The following TNXB variants were observed in gnomAD, a reference collection of about 807,000 sequenced individuals.
The protein encoded by TNXB is tenascin XB.
TNXB carries 183 observed loss-of-function variants against 340.5 expected under a neutral mutation model. That is an observed-to-expected ratio of 0.54 (90% CI 0.48 to 0.61). TNXB has a LOEUF of 0.61. TNXB is among the 20% of genes least tolerant of loss of function. The pLI is 0.00. For missense variants in TNXB, 4,613 were observed against 5,446.4 expected (o/e 0.85, Z 4.82); for synonymous variants, 2,121 against 2,314.5 (o/e 0.92, Z 2.40).
At chr6:32,071,454 G>A (rs1057254538) in intron 13 of TNXB, among the ~76,000 whole-genome samples, 1 of 152,160 alleles carries the variant, frequency 6.6e-6, no homozygotes. Context: ...GAAGAGGCCT[G>A]TAGGGGCTTC....
At position 32,079,724 on chromosome 6, in the gene TNXB, C is replaced by T. The variant is rs1272642914; in HGVS notation, c.4043-359G>A. On this transcript the variant is annotated intron_variant, in intron 10 of 43. Coordinates refer to ENST00000644971, the MANE Select transcript of TNXB (RefSeq NM_001365276.2). The surrounding 1 kb of genome is among the most constrained non-coding windows in gnomAD (Gnocchi z 7.1). ...CCCCAGGGCACTCTGGCTGCCCCAC[C>T]CCTCATATGAGGATCTGACCATGGA... Among the ~76,000 whole-genome samples, 1 of 152,222 alleles carries T rather than the reference C, an allele frequency of 6.6e-6. No individual in the cohort carries two copies. The highest frequency in any genetic ancestry group is 1.5e-5 in the Non-Finnish European group (1 of 68,026).
Position 32,061,411 on chromosome 6 carries a change from G to A in TNXB, c.7478C>T (p.Thr2493Ile). 6.2e-7 allele frequency: 1 copy of A among 1,612,560 alleles called. No homozygotes were observed. Among genetic ancestry groups the A allele is most frequent in the Non-Finnish European group, 8.5e-7 (1 of 1,179,422 alleles). ...HEGRRVGPVS[T>I]VGVTAPQEDV... Reference sequence around the variant, plus strand: ...GCACTACTCACCAGTCACGCCCACGGTGGACACCGGGCCCACGCGCCGCCC... The same window carrying A: ...GCACTACTCACCAGTCACGCCCACGATGGACACCGGGCCCACGCGCCGCCC... Residue 2493 changes from threonine (T) to isoleucine (I), a missense_variant, in exon 21 of 44, where the codon ACC becomes ATC. By Grantham distance (89) the Thr-to-Ile change is moderately conservative. Around this residue, in one of 7 missense-constraint regions of TNXB, gnomAD observed 4,327 missense variants for 4,859.4 expected, o/e 0.89. Coordinates refer to ENST00000644971, the MANE Select transcript of TNXB (RefSeq NM_001365276.2). This position sits in a 1 kb window ranked among gnomAD's most constrained non-coding sequence, Gnocchi z 4.4.
At position 32,067,397 on chromosome 6, in the gene TNXB, G is replaced by A. The variant is rs1361454079; in HGVS notation, c.6544+264C>T. Reference sequence around the variant, plus strand: ...TCTCACAAAAAGAGTTATGTATAGAGTTCCAAGGAAAAGCGGAGAGCCACA... The same window carrying A: ...TCTCACAAAAAGAGTTATGTATAGAATTCCAAGGAAAAGCGGAGAGCCACA... On this transcript the variant is annotated intron_variant, in intron 18 of 43. Coordinates refer to ENST00000644971, the MANE Select transcript of TNXB (RefSeq NM_001365276.2). The surrounding 1 kb of genome is among the most constrained non-coding windows in gnomAD (Gnocchi z 4.2). 5.3e-5 allele frequency among the ~76,000 whole-genome samples: 8 copies of A among 152,168 alleles called. No individual in the cohort carries two copies. The highest frequency in any genetic ancestry group is 5.9e-5 in the Non-Finnish European group (4 of 68,042).
At chr6:32,060,318 G>A (rs1014996780) in intron 21 of TNXB, among the ~76,000 whole-genome samples, 1 of 150,408 alleles carries the variant, frequency 6.6e-6, no homozygotes, top group African/African-American at 2.5e-5. Flanking sequence ...GGCGACAAGA[G>A]CGAAACTTCA....
At position 32,087,340 on chromosome 6, in the gene TNXB, T is replaced by A. The variant is rs1187170988; in HGVS notation, c.2780-1222A>T. 2 of 484,530 alleles carry A rather than the reference T, an allele frequency of 4.1e-6. No individual in the cohort carries two copies. Among genetic ancestry groups the A allele is most frequent in the Admixed American group, 2.2e-5 (1 of 46,006 alleles). The allele number at this position is 484,530 out of a possible 1,614,324, so 30.0% of individuals were successfully genotyped here. ...GTGGTAGGTGGTGCCGGGCCTGAGG[T>A]CGGGCAGGCTGACGGTGCGCGTGGT... On this transcript the variant is annotated intron_variant, in intron 6 of 43. Transcript: ENST00000644971. The surrounding 1 kb of genome is among the most constrained non-coding windows in gnomAD (Gnocchi z 9.0).
chr6:32,049,300 C>T lies in TNXB; in HGVS notation c.9727G>A (p.Val3243Met), dbSNP rs770130227. The T allele has an allele frequency of 1.9e-5, 31 of 1,611,982 alleles. No homozygotes were observed. The highest frequency in any genetic ancestry group is 9.3e-5 in the African/African-American group (7 of 74,882). The change falls in exon 28 of 44, where the codon GTG (valine) becomes ATG (methionine). Residue 3243 changes from valine (V) to methionine (M), a missense_variant. By Grantham distance (21) the Val-to-Met change is conservative. Transcript: ENST00000644971. The surrounding 1 kb of genome is among the most constrained non-coding windows in gnomAD (Gnocchi z 4.5). ...ATGCCCACGGTGGACACTGGGCCCA[C>T]GCGCTGCCCCTCGTGGAGGCCGTAC... ...HLYGLHEGQR[V>M]GPVSTVGITA...
Position 32,096,690 on chromosome 6 carries a change from C to T in TNXB, c.1163G>A (p.Cys388Tyr). The T allele has an allele frequency of 1.9e-6, 3 of 1,552,592 alleles. No homozygotes were observed. Among genetic ancestry groups the T allele is most frequent in the Non-Finnish European group, 2.6e-6 (3 of 1,152,022 alleles). ...RGRGRCEDGE[C>Y]ICDTGYSGDD... ...CCCGCTGTAGCCCGTGTCGCAAATG[C>T]ATTCGCCGTCCTCGCAGCGCCCGCG... Residue 388 changes from cysteine to tyrosine, a missense_variant, in exon 3 of 44, where the codon TGC becomes TAC. Cys to Tyr is a radical substitution (Grantham distance 194). Transcript: ENST00000644971.
rs866025393 is a variant in TNXB, at chr6:32,058,481, G to A, written c.7493-91C>T. On this transcript the variant is annotated intron_variant, in intron 21 of 43. Transcript: ENST00000644971. The surrounding 1 kb of genome is among the most constrained non-coding windows in gnomAD (Gnocchi z 5.1). ...TCAACAGAGGTCATACATCAAATGT[G>A]CCCCTCCAGAGCAGGCTGAGGGCTG... 5.1e-4 allele frequency: 539 copies of A among 1,067,166 alleles called. 7 individuals carry two copies. The Middle Eastern group carries it at 9.4e-3, about 19-fold the overall frequency. 66.1% of individuals were successfully genotyped at this position (1,067,166 alleles called of 1,614,324 possible).
At position 32,080,855 on chromosome 6, in the gene TNXB, C is replaced by T. The variant is rs991424157; in HGVS notation, c.4042+513G>A. Among the ~76,000 whole-genome samples the T allele has an allele frequency of 1.3e-5, 2 of 152,130 alleles. No individual in the cohort carries two copies. Among genetic ancestry groups the T allele is most frequent in the Non-Finnish European group, 2.9e-5 (2 of 68,032 alleles). On this transcript the variant is annotated intron_variant, in intron 10 of 43. Coordinates refer to ENST00000644971, the MANE Select transcript of TNXB (RefSeq NM_001365276.2). The surrounding 1 kb of genome is among the most constrained non-coding windows in gnomAD (Gnocchi z 4.3). ...CCAAGGGGGCTGGGAGTCAAGGAGT[C>T]GGGAGCTGAGAGGAGTCCTCTTCAT...
Position 32,067,124 on chromosome 6 carries a change from A to AAAGGAAGG in TNXB, c.6544+529_6544+536dup, listed in dbSNP as rs1214703349. On this transcript the variant is annotated intron_variant, in intron 18 of 43. Coordinates refer to ENST00000644971, the MANE Select transcript of TNXB (RefSeq NM_001365276.2). This position sits in a 1 kb window ranked among gnomAD's most constrained non-coding sequence, Gnocchi z 4.2. The stretch of plus-strand genomic sequence containing the variant: ...AAGAAAGAAAGAAAGAGAAAGAAAG[A>AAAGGAAGG]AAGGAAGGAAGAAAGAAAGAAAGAA... Among the ~76,000 whole-genome samples, 11 of 131,850 alleles carry AAAGGAAGG rather than the reference A, an allele frequency of 8.3e-5. No homozygotes were observed. The highest frequency in any genetic ancestry group is 2.2e-4 in the East Asian group (1 of 4,560). The allele number at this position is 131,850 out of a possible 152,430, so 86.5% of individuals were successfully genotyped here. A position where few individuals can be genotyped will look rare whatever the true frequency, so the allele number is the denominator to read the frequency against.
chr6:32,069,856 G>A lies in TNXB; in HGVS notation c.5284C>T (p.Arg1762Trp), dbSNP rs773066620. 2.6e-5 allele frequency: 42 copies of A among 1,585,974 alleles called. No individual in the cohort carries two copies. Among genetic ancestry groups the A allele is most frequent in the Admixed American group, 3.5e-5 (2 of 56,872 alleles). The change falls in exon 15 of 44, where the codon CGG becomes TGG. Residue 1762 changes from arginine (R) to tryptophan (W), a missense_variant. Arg to Trp is a moderately radical substitution (Grantham distance 101, BLOSUM62 -3). Around this residue, in one of 7 missense-constraint regions of TNXB, gnomAD observed 4,327 missense variants for 4,859.4 expected, o/e 0.89. Transcript: ENST00000644971. The surrounding 1 kb of genome is among the most constrained non-coding windows in gnomAD (Gnocchi z 6.2). ...PLTADGTTEA[R>W]SAMDDTGTKR... The stretch of plus-strand genomic sequence containing the variant: ...GTTCCAGTATCATCCATAGCACTCC[G>A]GGCTTCTGAGATGGAGACACGGAGA...
chr6:32,083,364 TAA>T lies in TNXB; in HGVS notation c.3446-1040_3446-1039del, dbSNP rs1007885294. On this transcript the variant is annotated intron_variant, in intron 8 of 43. Coordinates refer to ENST00000644971, the MANE Select transcript of TNXB (RefSeq NM_001365276.2). This position sits in a 1 kb window ranked among gnomAD's most constrained non-coding sequence, Gnocchi z 4.6. Reference sequence around the variant, plus strand: ...CTGGTGCCTCAATTCTCCTGACCTATAAAGTAGGCATGCCTCCCAGGTGTGCT... The same window carrying T: ...CTGGTGCCTCAATTCTCCTGACCTATAGTAGGCATGCCTCCCAGGTGTGCT... 1.3e-5 allele frequency among the ~76,000 whole-genome samples: 2 copies of T among 152,152 alleles called. No homozygotes were observed. The highest frequency in any genetic ancestry group is 4.8e-5 in the African/African-American group (2 of 41,428).
Position 32,074,260 on chromosome 6 carries a change from G to T in TNXB, c.4376-308C>A, listed in dbSNP as rs1390398692. The stretch of plus-strand genomic sequence containing the variant: ...GGCTGGTCTCAAACCCCTGACCTCA[G>T]GTGATCCACCTGCCTCAGCCCCCAA... On this transcript the variant is annotated intron_variant, in intron 11 of 43. Transcript: ENST00000644971. The surrounding 1 kb of genome is among the most constrained non-coding windows in gnomAD (Gnocchi z 5.5). 6.6e-6 allele frequency among the ~76,000 whole-genome samples: 1 copy of T among 152,116 alleles called. No individual in the cohort carries two copies. Among genetic ancestry groups the T allele is most frequent in the African/African-American group, 2.4e-5 (1 of 41,406 alleles).
At chr6:32,104,164 C>A (rs1194488616) in intron 1 of TNXB, among the ~76,000 whole-genome samples, 1 of 152,210 alleles carries the variant, frequency 6.6e-6, no homozygotes, top group African/African-American at 2.4e-5. Flanking sequence ...AAAAGCTCCC[C>A]AGATGATTGT....
Position 32,043,777 on chromosome 6 carries a change from A to C in TNXB, c.11502T>G (p.Ser3834Arg), listed in dbSNP as rs1404724187. 6.2e-7 allele frequency: 1 copy of C among 1,613,124 alleles called. No homozygotes were observed. Among genetic ancestry groups the C allele is most frequent in the African/African-American group, 1.3e-5 (1 of 74,860 alleles). Residue 3834 changes from serine (S) to arginine (R), a missense_variant, in exon 35 of 44, where the codon AGT (serine) becomes AGG (arginine). Around this residue, in one of 7 missense-constraint regions of TNXB, gnomAD observed 114 missense variants for 104.5 expected, o/e 1.09. Coordinates refer to ENST00000644971, the MANE Select transcript of TNXB (RefSeq NM_001365276.2). ...TGGTGAGGAAGCCTGTGAGAGGCTC[A>C]CTCTCCTCAAAGCCTCGGACCGAGA... ...TVVSVRGFEE[S>R]EPLTGFLTTV...
rs1777026076 is a variant in TNXB, at chr6:32,048,275, G to C, written c.10045+88C>G. The C allele has an allele frequency of 6.6e-6, 9 of 1,365,456 alleles. No individual in the cohort carries two copies. The Admixed American group carries it at 2.3e-4, about 35-fold the overall frequency. 84.6% of individuals were successfully genotyped at this position (1,365,456 alleles called of 1,614,324 possible). On this transcript the variant is annotated intron_variant, in intron 29 of 43. Coordinates refer to ENST00000644971, the MANE Select transcript of TNXB (RefSeq NM_001365276.2). ...AATAAATCAGTGGGTGCTGAGGACT[G>C]GAGTGTGGGGCACAGAACGTGAAAT...
At position 32,059,889 on chromosome 6, in the gene TNXB, C is replaced by T. The variant is rs529700006; in HGVS notation, c.7493-1499G>A. On this transcript the variant is annotated intron_variant, in intron 21 of 43. Transcript: ENST00000644971. Reference sequence around the variant, plus strand: ...ATTCTTCCCCATCGGTAGGAATTCTCGAAAAATACTCTAAGCCAGGCATAA... The same window carrying T: ...ATTCTTCCCCATCGGTAGGAATTCTTGAAAAATACTCTAAGCCAGGCATAA... Among the ~76,000 whole-genome samples the T allele has an allele frequency of 2.0e-4, 30 of 152,012 alleles. No homozygotes were observed. The East Asian group carries it at 4.1e-3, about 21-fold the overall frequency.
chr6:32,071,258 G>A (rs567319823), intron 13 of TNXB, among the ~76,000 whole-genome samples: 1 of 152,308 alleles, frequency 6.6e-6, no homozygotes, highest in Admixed American at 6.5e-5. Context: ...AGAAGGAAGG[G>A]CAGCCTCTGT....
rs1364355361 is a variant in TNXB, at chr6:32,080,879, A to G, written c.4042+489T>C. Among the ~76,000 whole-genome samples, 1 of 152,190 alleles carries G rather than the reference A, an allele frequency of 6.6e-6. No homozygotes were observed. The highest frequency in any genetic ancestry group is 1.5e-5 in the Non-Finnish European group (1 of 68,032). On this transcript the variant is annotated intron_variant, in intron 10 of 43. Transcript: ENST00000644971. This position sits in a 1 kb window ranked among gnomAD's most constrained non-coding sequence, Gnocchi z 4.3. Reference sequence around the variant, plus strand: ...TCGGGAGCTGAGAGGAGTCCTCTTCATGCTGCAAAAAGGCTAGAGAAACGT... The same window carrying G: ...TCGGGAGCTGAGAGGAGTCCTCTTCGTGCTGCAAAAAGGCTAGAGAAACGT...
Sources: allele counts gnomAD v4.1 joint callset (sites outside exome capture counted in the v4.1 genomes callset), GRCh38; gene constraint gnomAD v4.1.1; regional missense constraint gnomAD v4.1.1; non-coding constraint Gnocchi (gnomAD v3.1); transcripts MANE v1.5; gene names NCBI Gene and HGNC (gene_info 2026-07-23, HGNC 2026-07-21).